NCAM1: variants seen among roughly 807,000 people sequenced by gnomAD.
NCAM1 encodes antigen recognized by monoclonal antibody 5.1H11.
Under a neutral mutation model 109.8 loss-of-function variants are expected in NCAM1, and 14 were observed. The observed-to-expected ratio is 0.13, with a 90% CI of 0.08 to 0.20. NCAM1 has a LOEUF of 0.20. Among genes scored for constraint, NCAM1 ranks in the 10% least tolerant of loss-of-function variants. NCAM1 has a pLI of 1.00. For missense variants in NCAM1, 774 were observed against 1,109.9 expected (o/e 0.70, Z 4.30); for synonymous variants, 418 against 442.9 (o/e 0.94, Z 0.70).
chr11:112,972,514 C>T (rs1555066998), intron 1 of NCAM1, among the ~76,000 whole-genome samples: 2 of 152,020 alleles, frequency 1.3e-5, no homozygotes, highest in African/African-American at 4.8e-5. Flanking sequence ...AAGTTGGAAA[C>T]AAATAATATA....
intron 1 of NCAM1, among the ~76,000 whole-genome samples, chr11:113,006,564 G>A (rs1389581019): frequency 6.6e-6 from 1 of 152,144 alleles, no homozygotes; most frequent in Non-Finnish European, 1.5e-5. Context: ...GCATCATGAG[G>A]TTTGCTACTT....
At chr11:113,044,921 T>C (rs9736903) in intron 1 of NCAM1, among the ~76,000 whole-genome samples, 3,205 of 152,026 alleles carry the variant, frequency 0.021, 105 homozygotes, top group African/African-American at 0.073. Flanking sequence ...GCCTGGCTAA[T>C]TTTTTGTATA....
chr11:113,122,443 G>A (rs1240239231), intron 1 of NCAM1, among the ~76,000 whole-genome samples: 1 of 152,162 alleles, frequency 6.6e-6, no homozygotes, highest in African/African-American at 2.4e-5. Flanking sequence ...CAAAAAAGAT[G>A]TATTAAATTG....
intron 1 of NCAM1, among the ~76,000 whole-genome samples, chr11:113,108,659 T>C (rs1940279899): frequency 6.6e-6 from 1 of 152,192 alleles, no homozygotes; most frequent in African/African-American, 2.4e-5. Context: ...ATCTAAGCAC[T>C]TTGTACTATC....
At chr11:113,037,015 C>T (rs1309333961) in intron 1 of NCAM1, among the ~76,000 whole-genome samples, 1 of 152,098 alleles carries the variant, frequency 6.6e-6, no homozygotes, top group African/African-American at 2.4e-5. Flanking sequence ...CTTTAACTAC[C>T]ATCCTTATTA....
At chr11:113,109,409 C>A (rs2135940438) in intron 1 of NCAM1, among the ~76,000 whole-genome samples, 1 of 151,020 alleles carries the variant, frequency 6.6e-6, no homozygotes, top group African/African-American at 2.4e-5. Context: ...TAGAATATTG[C>A]CAAAGACATA....
intron 1 of NCAM1, among the ~76,000 whole-genome samples, chr11:113,053,392 G>A (rs10891499): frequency 0.44 from 66,934 of 151,902 alleles, 15,728 homozygotes; most frequent in East Asian, 0.81. Context: ...TATTTGTCAT[G>A]GAATGATTTA....
chr11:113,160,731 C>T (rs1942573946), intron 1 of NCAM1, among the ~76,000 whole-genome samples: 1 of 152,138 alleles, frequency 6.6e-6, no homozygotes, highest in African/African-American at 2.4e-5. Flanking sequence ...TTGCAGATGG[C>T]TGTACCGGTT....
Position 113,274,569 on chromosome 11 carries a change from G to A in NCAM1, c.2457-698G>A, listed in dbSNP as rs1443787571. Among the ~76,000 whole-genome samples, 6 of 152,150 alleles carry A rather than the reference G, an allele frequency of 3.9e-5. No individual in the cohort carries two copies. Among genetic ancestry groups the A allele is most frequent in the African/African-American group, 1.2e-4 (5 of 41,432 alleles). On this transcript the variant is annotated intron_variant, in intron 19 of 19. Transcript: ENST00000316851. The surrounding 1 kb of genome is among the most constrained non-coding windows in gnomAD (Gnocchi z 4.1). ...CCACCATGGGCTGCAAGGGGCTCTC[G>A]CCAGGAGCCCTGAATCTCAGCATCG...
At chr11:112,992,355 T>C (rs1043279486) in intron 1 of NCAM1, among the ~76,000 whole-genome samples, 5 of 152,194 alleles carry the variant, frequency 3.3e-5, no homozygotes, top group African/African-American at 4.8e-5. Context: ...TGCATATTGC[T>C]AAATAATATA....
At chr11:113,260,028 G>A (rs1425379982) in intron 16 of NCAM1, 118 bp from the exon 17 acceptor site, 10 of 904,996 alleles carry the variant, frequency 1.1e-5, no homozygotes, top group Non-Finnish European at 1.6e-5. Flanking sequence ...TTATTTTCAT[G>A]ATTTCATGCC....
At chr11:113,149,659 AT>A (rs1555102042) in intron 1 of NCAM1, among the ~76,000 whole-genome samples, 1 of 152,108 alleles carries the variant, frequency 6.6e-6, no homozygotes, top group Non-Finnish European at 1.5e-5. Flanking sequence ...GGAAAAATTT[AT>A]TTTTTTACCT....
chr11:113,039,719 T>G, intron 1 of NCAM1, among the ~76,000 whole-genome samples: 1 of 152,230 alleles, frequency 6.6e-6, no homozygotes, highest in Admixed American at 6.5e-5. Flanking sequence ...AAATTAGAGC[T>G]TCATATGTAT....
chr11:113,159,403 C>T (rs1591374981), intron 1 of NCAM1, among the ~76,000 whole-genome samples: 1 of 151,908 alleles, frequency 6.6e-6, no homozygotes, highest in Admixed American at 6.6e-5. Context: ...AGGCAATATC[C>T]AGAATTGCAG....
intron 1 of NCAM1, among the ~76,000 whole-genome samples, chr11:113,024,378 T>C (rs565793032): frequency 1.3e-5 from 2 of 152,208 alleles, no homozygotes; most frequent in East Asian, 3.9e-4. Flanking sequence ...TTTTTTACTC[T>C]CTCATTTACT....
chr11:113,187,541 C>CTGTGTGTG (rs112338209), intron 1 of NCAM1, among the ~76,000 whole-genome samples: 4 of 142,200 alleles, frequency 2.8e-5, no homozygotes, highest in African/African-American at 1.0e-4. Flanking sequence ...CACTGAGGAT[C>CTGTGTGTG]TGTGTGTGTG....
chr11:113,262,831 G>C, intron 17 of NCAM1: 1 of 1,613,386 alleles, frequency 6.2e-7, no homozygotes, highest in South Asian at 1.1e-5. Context: ...GGGACCCATT[G>C]CTTGACACCT....
intron 1 of NCAM1, among the ~76,000 whole-genome samples, chr11:113,100,826 G>T (rs545548270): frequency 6.6e-6 from 1 of 152,126 alleles, no homozygotes; most frequent in Non-Finnish European, 1.5e-5. Flanking sequence ...ATGGCCGCGG[G>T]CCCAGGCTTG....
intron 1 of NCAM1, among the ~76,000 whole-genome samples, chr11:113,065,646 G>A (rs1362601841): frequency 1.3e-5 from 2 of 152,158 alleles, no homozygotes; most frequent in African/African-American, 2.4e-5. Flanking sequence ...TCTGTAATAT[G>A]CCTTGCCAGT....
Sources: allele counts gnomAD v4.1 joint callset (sites outside exome capture counted in the v4.1 genomes callset), GRCh38; gene constraint gnomAD v4.1.1; non-coding constraint Gnocchi (gnomAD v3.1); transcripts MANE v1.5; gene names NCBI Gene and HGNC (gene_info 2026-07-23, HGNC 2026-07-21).